SEC63: variants seen among roughly 807,000 people sequenced by gnomAD.
SEC63 encodes the protein SEC63 protein translocation regulator, also known as translocation protein SEC63 homolog.
In SEC63, 56 loss-of-function variants were observed where a neutral mutation model predicts 116.2. The observed-to-expected ratio is 0.48, with a 90% CI of 0.39 to 0.60. The LOEUF is 0.60. SEC63 is among the 20% of genes least tolerant of loss of function. The pLI, the probability that SEC63 is intolerant of heterozygous loss-of-function variation, is 0.00. For missense variants in SEC63, 668 were observed against 900.0 expected (o/e 0.74, Z 3.30); for synonymous variants, 273 against 294.6 (o/e 0.93, Z 0.75).
intron 2 of SEC63, among the ~76,000 whole-genome samples, chr6:107,928,544 A>G (rs569142565): frequency 2.2e-4 from 33 of 152,272 alleles, no homozygotes; most frequent in Non-Finnish European, 5.9e-5. Flanking sequence ...AAAACCTTAC[A>G]AAGAAAAACT....
At chr6:107,891,289 T>C (rs1445692042) in intron 16 of SEC63, among the ~76,000 whole-genome samples, 1 of 152,022 alleles carries the variant, frequency 6.6e-6, no homozygotes. Context: ...TCTCTAATCT[T>C]GTTTTCTCGC....
At chr6:107,954,929 A>G (rs1339058085) in intron 1 of SEC63, among the ~76,000 whole-genome samples, 1 of 152,268 alleles carries the variant, frequency 6.6e-6, no homozygotes, top group South Asian at 2.1e-4. Context: ...CTTAATTTTC[A>G]TAACACAATT....
At chr6:107,918,774 G>T (rs1787476229) in intron 4 of SEC63, among the ~76,000 whole-genome samples, 1 of 151,994 alleles carries the variant, frequency 6.6e-6, no homozygotes, top group Middle Eastern at 3.4e-3. Flanking sequence ...ACCTCTGATG[G>T]ATCTGGGTAA....
At chr6:107,904,337 G>C (rs1395862074) in intron 11 of SEC63, among the ~76,000 whole-genome samples, 2 of 151,404 alleles carry the variant, frequency 1.3e-5, no homozygotes, top group African/African-American at 4.9e-5. Flanking sequence ...TTGAACCCAG[G>C]AGGCAGAGGT....
chr6:107,950,584 G>A (rs570833981), intron 1 of SEC63, among the ~76,000 whole-genome samples: 10 of 152,310 alleles, frequency 6.6e-5, no homozygotes, highest in Non-Finnish European at 1.5e-4. Flanking sequence ...CGTAACAGAT[G>A]AGTATGACCA....
intron 1 of SEC63, among the ~76,000 whole-genome samples, chr6:107,935,350 G>C (rs555015538): frequency 3.3e-5 from 5 of 151,674 alleles, no homozygotes; most frequent in African/African-American, 7.3e-5. Context: ...GAATAGAAAG[G>C]GGGGAAAGGT....
At chr6:107,871,971 T>C in intron 20 of SEC63, 124 bp from the exon 21 acceptor site, 1 of 931,056 alleles carries the variant, frequency 1.1e-6, no homozygotes, top group Non-Finnish European at 1.7e-6. Context: ...ATGGACACAA[T>C]TCTAAATTCA....
chr6:107,921,275 C>T (rs1357407221), intron 4 of SEC63, among the ~76,000 whole-genome samples: 1 of 151,890 alleles, frequency 6.6e-6, no homozygotes, highest in East Asian at 1.9e-4. Context: ...GCTCAATTAA[C>T]TTATCATTCA....
chr6:107,953,959 G>C (rs1243849319), intron 1 of SEC63, among the ~76,000 whole-genome samples: 2 of 152,190 alleles, frequency 1.3e-5, no homozygotes, highest in Non-Finnish European at 1.5e-5. Flanking sequence ...ACCCCGTCTG[G>C]GAGGTGTACC....
At chr6:107,957,244 A>T (rs1309189273) in intron 1 of SEC63, 1 of 152,264 alleles carries the variant, frequency 6.6e-6, no homozygotes, top group East Asian at 1.9e-4. Context: ...CGTCACAAAC[A>T]GGAAACTCCG....
chr6:107,896,215 G>A (rs897985214), intron 14 of SEC63, among the ~76,000 whole-genome samples: 2 of 152,132 alleles, frequency 1.3e-5, no homozygotes, highest in Non-Finnish European at 2.9e-5. Flanking sequence ...TGCAACCCCA[G>A]CACGTTGGGA....
intron 2 of SEC63, among the ~76,000 whole-genome samples, chr6:107,926,551 CT>C (rs201643061): frequency 6.6e-6 from 1 of 152,000 alleles, no homozygotes; most frequent in African/African-American, 2.4e-5. Flanking sequence ...CAACAGCAAA[CT>C]TTTTTTTAAC....
rs1786134542 is a variant in SEC63, at chr6:107,871,599, C to T, written c.*105G>A. The T allele has an allele frequency of 1.4e-5, 15 of 1,061,730 alleles. No individual in the cohort carries two copies. The highest frequency in any genetic ancestry group is 1.9e-5 in the Non-Finnish European group (13 of 688,612). The allele number at this position is 1,061,730 out of a possible 1,614,324, so 65.8% of individuals were successfully genotyped here. A position where few individuals can be genotyped will look rare whatever the true frequency, so the allele number is the denominator to read the frequency against. On this transcript the variant is annotated 3_prime_UTR_variant, in exon 21 of 21. Coordinates refer to ENST00000369002, the MANE Select transcript of SEC63 (RefSeq NM_007214.5). ...CCATTTCAAGAGTAAAAAAACTACA[C>T]CTCCCTCAACATCAGTTCTGTACTG...
intron 16 of SEC63, 77 bp downstream of exon 16, chr6:107,893,405 C>T: frequency 7.1e-7 from 1 of 1,400,822 alleles, no homozygotes; most frequent in Non-Finnish European, 1.0e-6. Flanking sequence ...ACTTTTGAAG[C>T]TGTACACGTA....
Position 107,913,375 on chromosome 6 carries a change from C to T in SEC63, c.505G>A (p.Gly169Arg). The change falls in exon 5 of 21, where the codon GGG becomes AGG. Residue 169 changes from glycine to arginine, a missense_variant. Gly to Arg is a moderately radical substitution (Grantham distance 125, BLOSUM62 -2). Coordinates refer to ENST00000369002, the MANE Select transcript of SEC63 (RefSeq NM_007214.5). ...TCATCATTTACCACACCTTGAGGCC[C>T]ATCTGGATTTCCAAATTCTTCCCAA... is the stretch of plus-strand genomic sequence containing the variant. ...KNWEEFGNPD[G>R]PQATSFGIAL... 1 of 1,603,070 alleles carries T rather than the reference C, an allele frequency of 6.2e-7. No homozygotes were observed. Among genetic ancestry groups the T allele is most frequent in the Non-Finnish European group, 8.5e-7 (1 of 1,170,050 alleles).
rs987604080 is a variant in SEC63, at chr6:107,928,558, C to T, written c.224+857G>A. ...TAAAACCTTACAAAGAAAAACTAAA[C>T]GCCCTGAAATTATGCTGAAAAAAAA... On this transcript the variant is annotated intron_variant, in intron 2 of 20. Coordinates refer to ENST00000369002, the MANE Select transcript of SEC63 (RefSeq NM_007214.5). 2.0e-5 allele frequency among the ~76,000 whole-genome samples: 3 copies of T among 151,142 alleles called. No individual in the cohort carries two copies. The East Asian group carries it at 5.8e-4, about 29-fold the overall frequency.
At chr6:107,919,921 G>T (rs1787514704) in intron 4 of SEC63, among the ~76,000 whole-genome samples, 1 of 152,018 alleles carries the variant, frequency 6.6e-6, no homozygotes, top group African/African-American at 2.4e-5. Context: ...GAATTTAAAT[G>T]ATGTAGTCAA....
intron 1 of SEC63, among the ~76,000 whole-genome samples, chr6:107,945,870 A>G (rs941907505): frequency 1.3e-5 from 2 of 152,276 alleles, no homozygotes; most frequent in East Asian, 3.9e-4. Flanking sequence ...ATGCAACAAG[A>G]TGTTTAAATA....
At chr6:107,892,426 A>G (rs1337990514) in intron 16 of SEC63, among the ~76,000 whole-genome samples, 1 of 152,194 alleles carries the variant, frequency 6.6e-6, no homozygotes, top group Non-Finnish European at 1.5e-5. Context: ...AGATAGGTTT[A>G]TCAACTACGG....
Sources: gnomAD v4.1 joint callset for allele counts (sites outside exome capture counted in the v4.1 genomes callset) on GRCh38, gnomAD v4.1.1 for gene constraint, MANE v1.5 for transcripts, NCBI Gene and HGNC (gene_info 2026-07-23, HGNC 2026-07-21) for gene names.